The following DDI2 variants were observed in gnomAD, a reference collection of about 807,000 sequenced individuals.
The protein encoded by DDI2 is protein DDI1 homolog 2.
In DDI2, 5 loss-of-function variants were observed where a neutral mutation model predicts 48.1. That is an observed-to-expected ratio of 0.10 (90% confidence interval 0.05 to 0.22). DDI2 has a LOEUF of 0.22. DDI2 is among the 10% of genes least tolerant of loss of function. The probability of loss-of-function intolerance (pLI) is 1.00; values close to 1 mark genes in which losing one functional copy is unlikely to be tolerated. For missense variants in DDI2, 285 were observed against 506.2 expected (o/e 0.56, Z 4.19); for synonymous variants, 205 against 183.6 (o/e 1.12, Z -0.94).
intron 3 of DDI2, among the ~76,000 whole-genome samples, chr1:15,632,232 G>A (rs892836034): frequency 6.6e-6 from 1 of 152,126 alleles, no homozygotes; most frequent in Non-Finnish European, 1.5e-5. Context: ...ACCAAAGATG[G>A]TGATGATGGG....
chr1:15,661,121 A>G lies in DDI2; in HGVS notation c.*1331A>G. 2 of 1,613,486 alleles carry G rather than the reference A, an allele frequency of 1.2e-6. No homozygotes were observed. The highest frequency in any genetic ancestry group is 1.7e-6 in the Non-Finnish European group (2 of 1,179,786). On this transcript the variant is annotated 3_prime_UTR_variant, in exon 10 of 10. Transcript: ENST00000480945. Reference sequence around the variant, plus strand: ...CAGTGTCCACAAGTCTCCTTTCATCAGGCCATATCTGTATCAGTGGAGACA... The same window carrying G: ...CAGTGTCCACAAGTCTCCTTTCATCGGGCCATATCTGTATCAGTGGAGACA...
chr1:15,643,296 A>G (rs1283478462), intron 5 of DDI2, among the ~76,000 whole-genome samples: 1 of 152,224 alleles, frequency 6.6e-6, no homozygotes, highest in Non-Finnish European at 1.5e-5. Context: ...ATCGCTACAG[A>G]ATATTCTTCC....
intron 6 of DDI2, among the ~76,000 whole-genome samples, chr1:15,647,445 G>A (rs1238440862): frequency 6.6e-6 from 1 of 151,936 alleles, no homozygotes; most frequent in Non-Finnish European, 1.5e-5. Context: ...TGCTGCGCCT[G>A]GCTGGTGATG....
At chr1:15,641,933 C>CAACAAGAG (rs898344541) in intron 5 of DDI2, among the ~76,000 whole-genome samples, 1 of 103,288 alleles carries the variant, frequency 9.7e-6, no homozygotes, top group African/African-American at 3.8e-5. Context: ...CCAGCCTGGG[C>CAACAAGAG]AACAAGAGTG....
At chr1:15,631,655 TCTCA>T (rs1352952075) in intron 3 of DDI2, among the ~76,000 whole-genome samples, 1 of 152,204 alleles carries the variant, frequency 6.6e-6, no homozygotes, top group Non-Finnish European at 1.5e-5. Flanking sequence ...AGGACATTTC[TCTCA>T]CTCCAGAAAG....
At chr1:15,637,311 T>TCC (rs1431532381) in intron 4 of DDI2, among the ~76,000 whole-genome samples, 1 of 152,072 alleles carries the variant, frequency 6.6e-6, no homozygotes, top group Non-Finnish European at 1.5e-5. Context: ...GCTCAAGGGA[T>TCC]CCACCTACTT....
intron 1 of DDI2, among the ~76,000 whole-genome samples, chr1:15,626,277 T>A (rs570973555): frequency 3.5e-4 from 54 of 152,304 alleles, no homozygotes; most frequent in African/African-American, 1.2e-3. Context: ...AAATATATAT[T>A]GTGTTAGTTG....
chr1:15,644,642 G>A (rs1440933812), intron 6 of DDI2, among the ~76,000 whole-genome samples: 1 of 127,472 alleles, frequency 7.8e-6, no homozygotes, highest in Non-Finnish European at 1.6e-5. Flanking sequence ...CGCCCAGGCT[G>A]GAGTGCAGTG....
chr1:15,656,489 A>G (rs567811043), intron 8 of DDI2, 128 bp from the exon 9 acceptor site: 5 of 1,586,026 alleles, frequency 3.2e-6, no homozygotes, highest in Non-Finnish European at 4.3e-6. Flanking sequence ...CTACAGAAAC[A>G]TCCCTCAACT....
rs1035793313 is a variant in DDI2, at chr1:15,666,720, G to A, written c.*6930G>A. 1 of 152,168 alleles carries A rather than the reference G, an allele frequency of 6.6e-6. No homozygotes were observed. Among genetic ancestry groups the A allele is most frequent in the African/African-American group, 2.4e-5 (1 of 41,444 alleles). The allele number at this position is 152,168 out of a possible 1,614,324, so 9.4% of individuals were successfully genotyped here. A position where few individuals can be genotyped will look rare whatever the true frequency, so the allele number is the denominator to read the frequency against. ...GGTAACTAAAACAGATTGGAACCCTGCCCTTGTGAAGCTTTCAGTCTAGAA... is the reference window on the plus strand; with the variant it reads ...GGTAACTAAAACAGATTGGAACCCTACCCTTGTGAAGCTTTCAGTCTAGAA... On this transcript the variant is annotated 3_prime_UTR_variant, in exon 10 of 10. Coordinates refer to ENST00000480945, the MANE Select transcript of DDI2 (RefSeq NM_032341.5).
chr1:15,661,306 A>C lies in DDI2; in HGVS notation c.*1516A>C. 1 of 1,614,072 alleles carries C rather than the reference A, an allele frequency of 6.2e-7. No individual in the cohort carries two copies. The highest frequency in any genetic ancestry group is 8.5e-7 in the Non-Finnish European group (1 of 1,179,990). ...TTCTGTCACTGTAACCTCAGCTAAA[A>C]CATCCAATCAGTTACACTGCACCTT... On this transcript the variant is annotated 3_prime_UTR_variant, in exon 10 of 10. Transcript: ENST00000480945.
At chr1:15,650,773 A>G (rs1160843315) in intron 7 of DDI2, among the ~76,000 whole-genome samples, 1 of 152,214 alleles carries the variant, frequency 6.6e-6, no homozygotes, top group African/African-American at 2.4e-5. Context: ...TAGCTAATCA[A>G]TATTTTTATG....
At chr1:15,642,085 T>C (rs1438142388) in intron 5 of DDI2, among the ~76,000 whole-genome samples, 1 of 152,118 alleles carries the variant, frequency 6.6e-6, no homozygotes, top group Non-Finnish European at 1.5e-5. Flanking sequence ...CCAGGTTTTA[T>C]GGCTGCAAGA....
rs921296324 is a variant in DDI2, at chr1:15,667,397, C to T, written c.*7607C>T. On this transcript the variant is annotated 3_prime_UTR_variant, in exon 10 of 10. Coordinates refer to ENST00000480945, the MANE Select transcript of DDI2 (RefSeq NM_032341.5). ...ATGCACCAGTGACAGTCAGTCAATC[C>T]ATCAGACCACCTCACATGCAGGGTA... 6.6e-6 allele frequency: 1 copy of T among 152,170 alleles called. No homozygotes were observed. The highest frequency in any genetic ancestry group is 2.4e-5 in the African/African-American group (1 of 41,428). The allele number at this position is 152,170 out of a possible 1,614,324, so 9.4% of individuals were successfully genotyped here. A position where few individuals can be genotyped will look rare whatever the true frequency, so the allele number is the denominator to read the frequency against.
chr1:15,632,633 C>T (rs1639863326), intron 3 of DDI2, among the ~76,000 whole-genome samples: 1 of 152,174 alleles, frequency 6.6e-6, no homozygotes, highest in Admixed American at 6.5e-5. Context: ...TTCATCAGAA[C>T]ACACACAAAA....
At position 15,665,913 on chromosome 1, in the gene DDI2, A is replaced by T. The variant is rs1053235312; in HGVS notation, c.*6123A>T. On this transcript the variant is annotated 3_prime_UTR_variant, in exon 10 of 10. Coordinates refer to ENST00000480945, the MANE Select transcript of DDI2 (RefSeq NM_032341.5). ...AGAAGCTGACCAGATTATGCATTCT[A>T]CTGTTCTCTAGCACAAGTACTCACC... 2.0e-5 allele frequency: 3 copies of T among 152,096 alleles called. No homozygotes were observed. Among genetic ancestry groups the T allele is most frequent in the Non-Finnish European group, 4.4e-5 (3 of 68,018 alleles). The allele number at this position is 152,096 out of a possible 1,614,324, so 9.4% of individuals were successfully genotyped here.
intron 9 of DDI2, among the ~76,000 whole-genome samples, chr1:15,658,711 G>A (rs1232114295): frequency 1.3e-5 from 2 of 150,640 alleles, no homozygotes. Context: ...CTCAGATGGC[G>A]CCATTGTACT....
intron 8 of DDI2, among the ~76,000 whole-genome samples, chr1:15,655,999 A>T (rs72647139): frequency 0.23 from 33,751 of 145,878 alleles, 3,939 homozygotes; most frequent in Middle Eastern, 0.28. Flanking sequence ...AAAATGTTTT[A>T]AAAAAAAAAC....
In DDI2 at chr1:15,663,788, C is replaced by T. The variant is rs771479675; in HGVS notation, c.*3998C>T. ...CTAAGCTTATAAATCTTTGGAACCACGGGGTGGGAAGGGTGGGGGAACTTA... is the reference window on the plus strand; with the variant it reads ...CTAAGCTTATAAATCTTTGGAACCATGGGGTGGGAAGGGTGGGGGAACTTA... On this transcript the variant is annotated 3_prime_UTR_variant, in exon 10 of 10. Transcript: ENST00000480945. 3 of 133,922 alleles carry T rather than the reference C, an allele frequency of 2.2e-5. No individual in the cohort carries two copies. Among genetic ancestry groups the T allele is most frequent in the South Asian group, 2.7e-4 (1 of 3,740 alleles). The allele number at this position is 133,922 out of a possible 1,614,324, so 8.3% of individuals were successfully genotyped here. A position where few individuals can be genotyped will look rare whatever the true frequency, so the allele number is the denominator to read the frequency against.
Sources: allele counts gnomAD v4.1 joint callset (sites outside exome capture counted in the v4.1 genomes callset), GRCh38; gene constraint gnomAD v4.1.1; transcripts MANE v1.5; gene names NCBI Gene and HGNC (gene_info 2026-07-23, HGNC 2026-07-21).